RBFOX1: variants seen among roughly 807,000 people sequenced by gnomAD.
RBFOX1 encodes RNA binding fox-1 homolog 1, also known as RNA binding protein fox-1 homolog 1.
In RBFOX1, 8 loss-of-function variants were observed where a neutral mutation model predicts 57.7. The ratio of observed to expected loss-of-function variants is 0.14; its 90% CI spans 0.08 to 0.25. The LOEUF (loss-of-function observed/expected upper bound fraction) is 0.25. Among genes scored for constraint, RBFOX1 ranks in the 10% least tolerant of loss-of-function variants. The probability of loss-of-function intolerance (pLI) is 1.00; values close to 1 mark genes in which losing one functional copy is unlikely to be tolerated. For synonymous variants in RBFOX1, 326 were observed against 222.4 expected (o/e 1.47, Z -4.15); for missense variants, 611 against 548.5 (o/e 1.11, Z -1.14).
intron 2 of RBFOX1, among the ~76,000 whole-genome samples, chr16:6,528,396 C>A (rs774486269): frequency 6.6e-6 from 1 of 152,204 alleles, no homozygotes; most frequent in Non-Finnish European, 1.5e-5. Flanking sequence ...GATAAGTCCA[C>A]CATCAATGCA....
At position 5,631,091 on chromosome 16, in the gene RBFOX1, G is replaced by A. The variant is rs143656438; in HGVS notation, c.318+32130G>A. The stretch of plus-strand genomic sequence containing the variant: ...CAAAACGTGACTGTTGGCACTCAGA[G>A]GTGCTGCATCTACATTTGAAACAAT... On this transcript the variant is annotated intron_variant, in intron 3 of 19. Transcript: ENST00000641259. 6.2e-3 allele frequency among the ~76,000 whole-genome samples: 942 copies of A among 152,260 alleles called. 6 individuals are homozygous for A. Among genetic ancestry groups the A allele is most frequent in the Middle Eastern group, 0.014 (4 of 294 alleles).
chr16:6,334,616 A>G (rs1316802283), intron 2 of RBFOX1, among the ~76,000 whole-genome samples: 1 of 151,956 alleles, frequency 6.6e-6, no homozygotes, highest in Non-Finnish European at 1.5e-5. Context: ...GTGTATCTGG[A>G]TTGGGTCATA....
At chr16:6,278,236 G>T (rs1438411347) in intron 1 of RBFOX1, among the ~76,000 whole-genome samples, 1 of 151,894 alleles carries the variant, frequency 6.6e-6, no homozygotes, top group Non-Finnish European at 1.5e-5. Flanking sequence ...ATGATTCGTT[G>T]CAGGCAATTT....
At chr16:6,140,107 GTCT>G (rs1399117048) in intron 1 of RBFOX1, among the ~76,000 whole-genome samples, 2 of 151,972 alleles carry the variant, frequency 1.3e-5, no homozygotes, top group Admixed American at 1.3e-4. Flanking sequence ...AGAGAATCAA[GTCT>G]TCTTACACCA....
chr16:6,689,792 G>C, intron 3 of RBFOX1, among the ~76,000 whole-genome samples: 2 of 152,252 alleles, frequency 1.3e-5, no homozygotes, highest in Middle Eastern at 6.8e-3. Flanking sequence ...GTCTTCCTAC[G>C]GGGAGAGACT....
intron 4 of RBFOX1, among the ~76,000 whole-genome samples, chr16:7,385,771 C>G (rs531694072): frequency 6.6e-6 from 1 of 151,428 alleles, no homozygotes; most frequent in Non-Finnish European, 1.5e-5. Flanking sequence ...TGGTTTTTTT[C>G]GAGATAGAGT....
rs923079599 is a variant in RBFOX1, at chr16:5,559,250, C to G, written c.259-39652C>G. On this transcript the variant is annotated intron_variant, in intron 2 of 2. Transcript: ENST00000585867. ...CACCCAGCATGGGCAATGGCGTACCCCTGTTCTGGTTCTTGGTTTGTTTAA... is the reference window on the plus strand; with the variant it reads ...CACCCAGCATGGGCAATGGCGTACCGCTGTTCTGGTTCTTGGTTTGTTTAA... Among the ~76,000 whole-genome samples, 11 of 151,178 alleles carry G rather than the reference C, an allele frequency of 7.3e-5. 1 individual carries two copies. The South Asian group carries it at 1.0e-3, about 14-fold the overall frequency.
chr16:7,093,469 T>C (rs538311958), intron 4 of RBFOX1, among the ~76,000 whole-genome samples: 85 of 152,296 alleles, frequency 5.6e-4, no homozygotes, highest in African/African-American at 1.5e-3. Flanking sequence ...AAAGATGTTT[T>C]TGAACATTTG....
Position 6,497,894 on chromosome 16 carries a change from G to C in RBFOX1, c.-63-156709G>C, listed in dbSNP as rs187192894. 2.0e-5 allele frequency among the ~76,000 whole-genome samples: 3 copies of C among 152,108 alleles called. No homozygotes were observed. The East Asian group carries it at 5.8e-4, about 30-fold the overall frequency. Reference sequence around the variant, plus strand: ...CACAAGTGTGAGAAAGTGCCTAAAAGCATTCAGAGGTTTTCAATCATATTT... The same window carrying C: ...CACAAGTGTGAGAAAGTGCCTAAAACCATTCAGAGGTTTTCAATCATATTT... On this transcript the variant is annotated intron_variant, in intron 2 of 15. Coordinates refer to ENST00000550418, the MANE Select transcript of RBFOX1 (RefSeq NM_018723.4).
At chr16:6,843,848 T>G (rs2093621977) in intron 3 of RBFOX1, among the ~76,000 whole-genome samples, 1 of 152,220 alleles carries the variant, frequency 6.6e-6, no homozygotes, top group Non-Finnish European at 1.5e-5. Context: ...TCTCCTGAAC[T>G]GACTGTTCCC....
chr16:6,485,376 C>G (rs138442632), intron 2 of RBFOX1, among the ~76,000 whole-genome samples: 1 of 152,022 alleles, frequency 6.6e-6, no homozygotes, highest in African/African-American at 2.4e-5. Context: ...CTCTTGGTCT[C>G]CCTCTGGGTA....
intron 3 of RBFOX1, among the ~76,000 whole-genome samples, chr16:7,023,868 T>C (rs2040087106): frequency 6.6e-6 from 1 of 152,090 alleles, no homozygotes; most frequent in South Asian, 2.1e-4. Flanking sequence ...TATATATATT[T>C]CCCACAGGAT....
chr16:5,850,922 C>A lies in RBFOX1; in HGVS notation c.319-16381C>A, dbSNP rs183845523. Among the ~76,000 whole-genome samples, 908 of 152,328 alleles carry A rather than the reference C, an allele frequency of 6.0e-3. 31 individuals carry two copies. The highest frequency in any genetic ancestry group is 0.057 in the Admixed American group (868 of 15,294). ...AAAGGCTGGGACAGCAGGTGCGCAGCCTGGCTGGAGATGGCATCGGGCATA... is the reference window on the plus strand; with the variant it reads ...AAAGGCTGGGACAGCAGGTGCGCAGACTGGCTGGAGATGGCATCGGGCATA... On this transcript the variant is annotated intron_variant, in intron 3 of 19. Transcript: ENST00000641259.
chr16:6,422,241 T>C (rs2093796183), intron 2 of RBFOX1, among the ~76,000 whole-genome samples: 1 of 151,684 alleles, frequency 6.6e-6, no homozygotes, highest in Non-Finnish European at 1.5e-5. Flanking sequence ...TTTTTTTTTT[T>C]TTAACTCAAC....
intron 3 of RBFOX1, among the ~76,000 whole-genome samples, chr16:6,985,396 A>C (rs2090016570): frequency 6.6e-6 from 1 of 152,208 alleles, no homozygotes; most frequent in South Asian, 2.1e-4. Context: ...TGGCTGGACA[A>C]GGTGACTCAG....
chr16:6,757,360 CA>C (rs1718910871), intron 3 of RBFOX1, among the ~76,000 whole-genome samples: 1 of 152,148 alleles, frequency 6.6e-6, no homozygotes, highest in African/African-American at 2.4e-5. Context: ...TTTACTGCAG[CA>C]TTATTTACAA....
intron 2 of RBFOX1, among the ~76,000 whole-genome samples, chr16:6,484,608 C>G (rs927562454): frequency 2.0e-5 from 3 of 152,126 alleles, no homozygotes; most frequent in Non-Finnish European, 4.4e-5. Context: ...CAATGATCAC[C>G]TAGCCTCTCA....
At chr16:7,339,050 A>T (rs2096845021) in intron 4 of RBFOX1, among the ~76,000 whole-genome samples, 2 of 152,196 alleles carry the variant, frequency 1.3e-5, no homozygotes, top group Admixed American at 1.3e-4. Flanking sequence ...ACTAAATTAA[A>T]GAGTCAGGGA....
At chr16:7,416,892 G>T (rs941986588) in intron 4 of RBFOX1, among the ~76,000 whole-genome samples, 8 of 152,018 alleles carry the variant, frequency 5.3e-5, no homozygotes, top group African/African-American at 1.9e-4. Flanking sequence ...CCCTCTGAAG[G>T]AGGTGTCCTT....
Sources: gnomAD v4.1 joint callset for allele counts (sites outside exome capture counted in the v4.1 genomes callset) on GRCh38, gnomAD v4.1.1 for gene constraint, MANE v1.5 for transcripts, NCBI Gene and HGNC (gene_info 2026-07-23, HGNC 2026-07-21) for gene names.